Variants in SMC5 observed in about 807,000 individuals in gnomAD.
SMC5 encodes structural maintenance of chromosomes protein 5.
Under a neutral mutation model 148.3 loss-of-function variants are expected in SMC5, and 88 were observed. The observed-to-expected ratio is 0.59, with a 90% confidence interval of 0.50 to 0.71. SMC5 has a LOEUF of 0.71. Ranked by LOEUF, SMC5 falls within the 30% of genes least tolerant of loss-of-function variation. SMC5 has a pLI of 0.00. For synonymous variants in SMC5, 421 were observed against 432.8 expected, an observed-to-expected ratio of 0.97 and a Z score of 0.34; for missense variants, 1,142 against 1,298.9, an observed-to-expected ratio of 0.88 and a Z score of 1.86.
chr9:70,286,770 A>G (rs1355665774), intron 8 of SMC5: 1 of 140,076 alleles, frequency 7.1e-6, no homozygotes, highest in Non-Finnish European at 1.5e-5. Context: ...AGGTTGGAGT[A>G]CAGTGGTGTG....
chr9:70,289,548 A>C (rs998251254), intron 8 of SMC5, among the ~76,000 whole-genome samples: 15 of 152,166 alleles, frequency 9.9e-5, no homozygotes, highest in South Asian at 2.1e-4. Context: ...AAAGGAGTTT[A>C]AACAGATGAA....
intron 17 of SMC5, among the ~76,000 whole-genome samples, chr9:70,334,069 T>C (rs947573838): frequency 1.3e-5 from 2 of 151,720 alleles, no homozygotes; most frequent in African/African-American, 2.4e-5. Context: ...TAGATATATA[T>C]GGATCAATGG....
intron 17 of SMC5, among the ~76,000 whole-genome samples, chr9:70,337,444 G>A (rs2036388328): frequency 8.4e-6 from 1 of 118,618 alleles, no homozygotes; most frequent in Non-Finnish European, 1.8e-5. Flanking sequence ...CTGTGTTTTG[G>A]GATTTGTTTT....
chr9:70,297,764 G>T (rs1319139307), intron 8 of SMC5, among the ~76,000 whole-genome samples: 2 of 152,150 alleles, frequency 1.3e-5, no homozygotes, highest in Non-Finnish European at 2.9e-5. Context: ...AAGTATTTGA[G>T]ATATATTAGT....
At chr9:70,334,014 T>G (rs1323496267) in intron 17 of SMC5, among the ~76,000 whole-genome samples, 5 of 152,096 alleles carry the variant, frequency 3.3e-5, no homozygotes, top group Admixed American at 1.3e-4. Flanking sequence ...ATTTTAAAAT[T>G]TATTATGACA....
At chr9:70,305,225 C>T (rs2035465155) in intron 10 of SMC5, 22 bp from the exon 11 acceptor site, 4 of 1,167,162 alleles carry the variant, frequency 3.4e-6, no homozygotes, top group Non-Finnish European at 4.9e-6. Context: ...GAAATTCGAC[C>T]TTTTTTTGCT....
At chr9:70,281,112 A>T (rs112259386) in intron 6 of SMC5, among the ~76,000 whole-genome samples, 10,447 of 150,704 alleles carry the variant, frequency 0.069, 578 homozygotes, top group East Asian at 0.22. Flanking sequence ...ATCTCGGCTC[A>T]CTGCAACCTC....
At chr9:70,309,464 T>C (rs1157806378) in intron 11 of SMC5, among the ~76,000 whole-genome samples, 1 of 151,810 alleles carries the variant, frequency 6.6e-6, no homozygotes, top group Non-Finnish European at 1.5e-5. Context: ...AAATTGGAGT[T>C]GGTCCTTTCA....
Position 70,303,671 on chromosome 9 carries a change from C to T in SMC5, c.1465-1576C>T, listed in dbSNP as rs141894088. Among the ~76,000 whole-genome samples, 168 of 152,230 alleles carry T rather than the reference C, an allele frequency of 1.1e-3. 1 individual carries two copies. In the East Asian group the frequency reaches 0.025, roughly 22 times the overall value. ...CACATTTAGTTCTATGAGGTATAAA[C>T]TGTTTTACTATGTCCATCTTACAGA... On this transcript the variant is annotated intron_variant, in intron 10 of 24. Coordinates refer to ENST00000361138, the MANE Select transcript of SMC5 (RefSeq NM_015110.4).
In SMC5 at chr9:70,350,397, C is replaced by T. The variant is rs779337326; in HGVS notation, c.3091C>T (p.Arg1031Trp). Reference sequence around the variant, plus strand: ...TTAGGGAATGGACCCAATCAATGAACGGAGAGTGTTTGAAATGGTTGTAAA... The same window carrying T: ...TTAGGGAATGGACCCAATCAATGAATGGAGAGTGTTTGAAATGGTTGTAAA... ...INQGMDPINERRVFEMVVNTA... is the reference protein window; with the variant it reads ...INQGMDPINEWRVFEMVVNTA... The change falls in exon 24 of 25, where the codon CGG (arginine) becomes TGG (tryptophan). Residue 1031 changes from arginine (R) to tryptophan (W), a missense_variant. Arg to Trp is a moderately radical substitution (Grantham distance 101). This residue lies in a region of SMC5 where 30 missense variants were observed against 65.3 expected (regional missense o/e 0.46). Transcript: ENST00000361138. 62 of 1,608,062 alleles carry T rather than the reference C, an allele frequency of 3.9e-5. No homozygotes were observed. The highest frequency in any genetic ancestry group is 4.9e-5 in the Non-Finnish European group (58 of 1,178,202).
rs2034337864 is a variant in SMC5, at chr9:70,267,944, G to A, written c.349G>A (p.Gly117Arg). 6.2e-7 allele frequency: 1 copy of A among 1,612,948 alleles called. No individual in the cohort carries two copies. Among genetic ancestry groups the A allele is most frequent in the African/African-American group, 1.3e-5 (1 of 74,850 alleles). ...TTAGGTTGGGTTTTTTGTGAAGAGA[G>A]GATGTTCTAGAGGCATGGTTGAAAT... is the stretch of plus-strand genomic sequence containing the variant. ...ADKVGFFVKRGCSRGMVEIEL... is the reference protein window; with the variant it reads ...ADKVGFFVKRRCSRGMVEIEL... Residue 117 changes from glycine (G) to arginine (R), a missense_variant, in exon 3 of 25, where the codon GGA becomes AGA. Coordinates refer to ENST00000361138, the MANE Select transcript of SMC5 (RefSeq NM_015110.4).
In SMC5 at chr9:70,352,877, C is replaced by T. The variant is rs2036835024; in HGVS notation, c.*546C>T. 6.6e-6 allele frequency: 1 copy of T among 151,700 alleles called. No individual in the cohort carries two copies. The highest frequency in any genetic ancestry group is 1.5e-5 in the Non-Finnish European group (1 of 67,958). 9.4% of individuals were successfully genotyped at this position (151,700 alleles called of 1,614,324 possible). A position where few individuals can be genotyped will look rare whatever the true frequency, so the allele number is the denominator to read the frequency against. Reference sequence around the variant, plus strand: ...CAGTAGGAAATGGAATTTTATGGGCCTTTAAAAGAAAGTTTTATGAAACTT... The same window carrying T: ...CAGTAGGAAATGGAATTTTATGGGCTTTTAAAAGAAAGTTTTATGAAACTT... On this transcript the variant is annotated 3_prime_UTR_variant, in exon 25 of 25. Transcript: ENST00000361138.
chr9:70,341,257 AAACT>A (rs746574835), intron 17 of SMC5, among the ~76,000 whole-genome samples: 36 of 152,360 alleles, frequency 2.4e-4, no homozygotes, highest in East Asian at 5.8e-4. Context: ...GCCACCAAAC[AAACT>A]ATTAAATGAG....
chr9:70,352,070 G>GA (rs112696826), intron 24 of SMC5, 121 bp from the exon 25 acceptor site: 56,582 of 902,778 alleles, frequency 0.063, 1,683 homozygotes, highest in African/African-American at 0.14. Context: ...AGCAGAGTGG[G>GA]AAAAAAAAAG....
intron 17 of SMC5, among the ~76,000 whole-genome samples, chr9:70,334,448 C>T (rs1208623641): frequency 6.6e-6 from 1 of 152,074 alleles, no homozygotes; most frequent in Non-Finnish European, 1.5e-5. Flanking sequence ...TCGGTAGATG[C>T]CATTACAAAA....
At chr9:70,327,856 A>T (rs2036120384) in intron 17 of SMC5, among the ~76,000 whole-genome samples, 1 of 152,184 alleles carries the variant, frequency 6.6e-6, no homozygotes, top group African/African-American at 2.4e-5. Flanking sequence ...TAGTTTATGA[A>T]GAGGTTTAAT....
intron 8 of SMC5, among the ~76,000 whole-genome samples, chr9:70,293,675 T>A (rs2035124567): frequency 6.6e-6 from 1 of 152,200 alleles, no homozygotes; most frequent in African/African-American, 2.4e-5. Flanking sequence ...TCTTTTCATT[T>A]TTCTTGAGAT....
chr9:70,335,938 C>T (rs2118751945), intron 17 of SMC5, among the ~76,000 whole-genome samples: 1 of 152,208 alleles, frequency 6.6e-6, no homozygotes, highest in East Asian at 1.9e-4. Flanking sequence ...TGAAGAGTAA[C>T]ATAACATCCA....
chr9:70,265,358 C>T (rs929845782), intron 2 of SMC5, among the ~76,000 whole-genome samples: 1 of 152,064 alleles, frequency 6.6e-6, no homozygotes, highest in African/African-American at 2.4e-5. Context: ...ACTAGGGAGG[C>T]TGAAGCAGGA....
Sources: gnomAD v4.1 joint callset for allele counts (sites outside exome capture counted in the v4.1 genomes callset) on GRCh38, gnomAD v4.1.1 for gene constraint, gnomAD v4.1.1 regional missense constraint, MANE v1.5 for transcripts, NCBI Gene and HGNC (gene_info 2026-07-23, HGNC 2026-07-21) for gene names.